Variants in DGKB observed in about 807,000 individuals in gnomAD.
DGKB encodes 90 kDa diacylglycerol kinase.
A neutral mutation model predicts 114.3 loss-of-function variants in DGKB; 67 were observed. The ratio of observed to expected loss-of-function variants is 0.59; its 90% CI spans 0.48 to 0.72. DGKB has a LOEUF of 0.72. Ranked by LOEUF, DGKB falls within the 30% of genes least tolerant of loss-of-function variation. The probability of loss-of-function intolerance (pLI) is 0.00; values close to 1 mark genes in which losing one functional copy is unlikely to be tolerated. For synonymous variants in DGKB, 398 were observed against 323.1 expected, an observed-to-expected ratio of 1.23 and a Z score of -2.49; for missense variants, 907 against 975.2, an observed-to-expected ratio of 0.93 and a Z score of 0.93.
At chr7:14,218,324 C>T (rs1452888499) in intron 23 of DGKB, among the ~76,000 whole-genome samples, 1 of 152,062 alleles carries the variant, frequency 6.6e-6, no homozygotes, top group Non-Finnish European at 1.5e-5. Context: ...TTTACAAGGT[C>T]ATAGTTTTAA....
chr7:14,211,875 T>TA lies in DGKB; in HGVS notation c.2123-33725_2123-33724insT, dbSNP rs1353689592. Among the ~76,000 whole-genome samples the TA allele has an allele frequency of 7.8e-3, 2 of 256 alleles. 1 individual carries two copies. The highest frequency in any genetic ancestry group is 0.01 in the Non-Finnish European group (2 of 200). 0.2% of individuals were successfully genotyped at this position (256 alleles called of 152,430 possible). ...GTGATTTTACTCTCATGTTTTGTGA[T>TA]TTTACTCTCGTGTTTTGTGATTTTA... On this transcript the variant is annotated intron_variant, in intron 23 of 25. Transcript: ENST00000402815.
chr7:14,585,783 A>C (rs1167255445), intron 17 of DGKB, among the ~76,000 whole-genome samples: 1 of 152,122 alleles, frequency 6.6e-6, no homozygotes, highest in East Asian at 1.9e-4. Context: ...TAATTATCGC[A>C]ATATTTCAAG....
chr7:14,876,108 G>A (rs998132819), intron 1 of DGKB, among the ~76,000 whole-genome samples: 2 of 152,146 alleles, frequency 1.3e-5, no homozygotes, highest in South Asian at 2.1e-4. Context: ...AAAACAGGGC[G>A]GAGTGGAAGC....
chr7:14,896,869 T>G (rs898004954), intron 1 of DGKB, among the ~76,000 whole-genome samples: 1 of 151,856 alleles, frequency 6.6e-6, no homozygotes, highest in Non-Finnish European at 1.5e-5. Context: ...TGAGAAATTA[T>G]ATATAGAGTT....
chr7:14,544,674 A>G (rs942659570), intron 20 of DGKB, among the ~76,000 whole-genome samples: 2 of 152,206 alleles, frequency 1.3e-5, no homozygotes, highest in African/African-American at 2.4e-5. Flanking sequence ...TATATTAGTC[A>G]CATTTATAAT....
chr7:14,431,125 G>A (rs143599332), intron 21 of DGKB, among the ~76,000 whole-genome samples: 4 of 152,070 alleles, frequency 2.6e-5, no homozygotes, highest in East Asian at 1.9e-4. Flanking sequence ...TGTTGCCTCC[G>A]GGTTTTCTCT....
At chr7:14,361,510 T>A (rs563168278) in intron 21 of DGKB, among the ~76,000 whole-genome samples, 1 of 152,122 alleles carries the variant, frequency 6.6e-6, no homozygotes, top group Non-Finnish European at 1.5e-5. Flanking sequence ...GATCTGTTTT[T>A]GTTGCCAGTC....
intron 23 of DGKB, among the ~76,000 whole-genome samples, chr7:14,318,668 AAC>A (rs1807114546): frequency 1.3e-5 from 2 of 152,010 alleles, no homozygotes; most frequent in Admixed American, 1.3e-4. Context: ...GAGAAATAGG[AAC>A]ACTTTTACAC....
chr7:14,895,515 G>T (rs1781956912), intron 1 of DGKB, among the ~76,000 whole-genome samples: 1 of 151,586 alleles, frequency 6.6e-6, no homozygotes, highest in Non-Finnish European at 1.5e-5. Context: ...TCAGCTCTTT[G>T]TTCCTTTCAC....
chr7:14,392,054 T>A (rs201201550), intron 21 of DGKB, among the ~76,000 whole-genome samples: 2 of 152,274 alleles, frequency 1.3e-5, no homozygotes, highest in East Asian at 3.9e-4. Context: ...ATTTCATGTG[T>A]TTTCCAAAAC....
At chr7:14,966,130 T>C (rs1787134681) in intron 1 of DGKB, among the ~76,000 whole-genome samples, 3 of 152,200 alleles carry the variant, frequency 2.0e-5, no homozygotes, top group Admixed American at 2.0e-4. Context: ...TTTTCATCCA[T>C]AAAAATTTTA....
At chr7:14,359,968 A>G (rs1815370120) in intron 21 of DGKB, among the ~76,000 whole-genome samples, 1 of 152,138 alleles carries the variant, frequency 6.6e-6, no homozygotes, top group African/African-American at 2.4e-5. Context: ...TACTAGATAT[A>G]TACCCAAAGG....
intron 2 of DGKB, among the ~76,000 whole-genome samples, chr7:14,819,431 CA>C (rs1238224126): frequency 6.6e-6 from 1 of 151,680 alleles, no homozygotes; most frequent in Non-Finnish European, 1.5e-5. Flanking sequence ...ACAAAAAATA[CA>C]AAAAAACATT....
chr7:14,421,474 T>C (rs1484965126), intron 21 of DGKB, among the ~76,000 whole-genome samples: 2 of 152,128 alleles, frequency 1.3e-5, no homozygotes, highest in Admixed American at 6.6e-5. Flanking sequence ...TGAGTTATTG[T>C]TGTCATCCTT....
intron 23 of DGKB, among the ~76,000 whole-genome samples, chr7:14,197,918 CTAAG>C (rs1164277857): frequency 6.6e-6 from 1 of 151,992 alleles, no homozygotes; most frequent in Non-Finnish European, 1.5e-5. Flanking sequence ...CACAGTCCTC[CTAAG>C]TAAGGTCACG....
At chr7:14,659,947 T>G (rs1378311877) in intron 13 of DGKB, among the ~76,000 whole-genome samples, 2 of 151,748 alleles carry the variant, frequency 1.3e-5, no homozygotes, top group Non-Finnish European at 2.9e-5. Context: ...CATGAAGGGT[T>G]GTTGAATTTT....
At chr7:14,248,352 T>C (rs571770479) in intron 23 of DGKB, among the ~76,000 whole-genome samples, 10 of 152,140 alleles carry the variant, frequency 6.6e-5, no homozygotes, top group Non-Finnish European at 1.2e-4. Context: ...TTGTTCCATA[T>C]AAGTTTTAGG....
chr7:14,693,326 A>C (rs986979784), intron 9 of DGKB, among the ~76,000 whole-genome samples: 1 of 152,108 alleles, frequency 6.6e-6, no homozygotes, highest in East Asian at 1.9e-4. Flanking sequence ...AGATTTCATC[A>C]GATTTTTAGA....
Position 14,600,874 on chromosome 7 carries a change from A to C in DGKB, c.1433+6560T>G, listed in dbSNP as rs1474438257. ...GTGTGCAGCCCACACTGCATTTCTC[A>C]CTTGTTAGAGTTGAATGCCAACAGC... On this transcript the variant is annotated intron_variant, in intron 17 of 25. Transcript: ENST00000402815. Among the ~76,000 whole-genome samples the C allele has an allele frequency of 2.0e-5, 3 of 151,872 alleles. No homozygotes were observed. In the East Asian group the frequency reaches 5.8e-4, roughly 29 times the overall value.
Sources: allele counts gnomAD v4.1 joint callset (sites outside exome capture counted in the v4.1 genomes callset), GRCh38; gene constraint gnomAD v4.1.1; transcripts MANE v1.5; gene names NCBI Gene and HGNC (gene_info 2026-07-23, HGNC 2026-07-21).